HEATR4: variants seen among roughly 807,000 people sequenced by gnomAD.
HEATR4 encodes the protein HEAT repeat-containing protein 4.
A neutral mutation model predicts 108.8 loss-of-function variants in HEATR4; 95 were observed. That is an observed-to-expected ratio of 0.87 (90% CI 0.74 to 1.04). The LOEUF (loss-of-function observed/expected upper bound fraction) is 1.04. HEATR4 is among the 50% of genes least tolerant of loss of function. The probability of loss-of-function intolerance (pLI) is 0.00; values close to 1 mark genes in which losing one functional copy is unlikely to be tolerated. For missense variants in HEATR4, 1,152 were observed against 1,253.8 expected (o/e 0.92, Z 1.23); for synonymous variants, 443 against 459.4 (o/e 0.96, Z 0.46).
chr14:73,612,413 A>T, the HEATR4 span: 1 of 455,926 alleles, frequency 2.2e-6, no homozygotes, highest in South Asian at 8.7e-5. Context: ...CACAAATTCT[A>T]GGCGCCCCAC....
chr14:73,569,425 G>C, the HEATR4 span: 4 of 1,613,808 alleles, frequency 2.5e-6, no homozygotes, highest in Non-Finnish European at 3.4e-6. Context: ...GTTCCTGCTC[G>C]GATGGCGGCG....
At chr14:73,606,843 T>C in the HEATR4 span, among the ~76,000 whole-genome samples, 1 of 152,200 alleles carries the variant, frequency 6.6e-6, no homozygotes, top group Non-Finnish European at 1.5e-5. Flanking sequence ...CAGTCTTCAT[T>C]CACCTTCCCA....
In HEATR4 at chr14:73,490,954, A is replaced by G. The variant is rs943294583; in HGVS notation, c.2844+2112T>C. ...TCCCAGAGTGCACCGCAGCCGCTGCATTCAGGAACCGCTTTAGCTTCGCCC... is the reference window on the plus strand; with the variant it reads ...TCCCAGAGTGCACCGCAGCCGCTGCGTTCAGGAACCGCTTTAGCTTCGCCC... On this transcript the variant is annotated intron_variant, in intron 17 of 17. Coordinates refer to ENST00000553558, the MANE Select transcript of HEATR4 (RefSeq NM_001220484.1). 1.3e-5 allele frequency: 17 copies of G among 1,288,146 alleles called. No individual in the cohort carries two copies. The Admixed American group carries it at 3.2e-4, about 24-fold the overall frequency. 79.8% of individuals were successfully genotyped at this position (1,288,146 alleles called of 1,614,324 possible).
chr14:73,493,833 G>A (rs545153806), intron 16 of HEATR4, among the ~76,000 whole-genome samples: 27 of 152,290 alleles, frequency 1.8e-4, no homozygotes, highest in African/African-American at 5.1e-4. Context: ...GCGAGACTCC[G>A]TCTCAAAAAC....
chr14:73,588,882 ACTGAG>A, the HEATR4 span, among the ~76,000 whole-genome samples: 1 of 152,096 alleles, frequency 6.6e-6, no homozygotes, highest in South Asian at 2.1e-4. Context: ...TGCTCTATCA[ACTGAG>A]CTATCTGGGT....
chr14:73,620,064 A>G, the HEATR4 span, among the ~76,000 whole-genome samples: 2 of 151,918 alleles, frequency 1.3e-5, no homozygotes, highest in Admixed American at 6.6e-5. Context: ...GGTGCACACC[A>G]CGGCACCCAG....
intron 11 of HEATR4, among the ~76,000 whole-genome samples, chr14:73,502,562 T>G (rs1886539546): frequency 6.6e-6 from 1 of 152,026 alleles, no homozygotes; most frequent in African/African-American, 2.4e-5. Flanking sequence ...GCACTTTTTT[T>G]TTTTGAGACG....
At position 73,546,775 on chromosome 14, in the gene HEATR4, T is replaced by C. The variant is rs1480889123; in HGVS notation, c.-152+11976A>G. Among the ~76,000 whole-genome samples the C allele has an allele frequency of 3.6e-5, 4 of 111,860 alleles. 1 individual carries two copies. The highest frequency in any genetic ancestry group is 1.1e-4 in the African/African-American group (4 of 35,742). 73.4% of individuals were successfully genotyped at this position (111,860 alleles called of 152,430 possible). ...AAGTTCATTAAACTAACATGCTCCA[T>C]AATGATTCACTTATTTATTTGAAAA... On this transcript the variant is annotated intron_variant, in intron 1 of 17. Transcript: ENST00000553558.
chr14:73,589,148 G>C, the HEATR4 span, among the ~76,000 whole-genome samples: 410 of 151,912 alleles, frequency 2.7e-3, 2 homozygotes, highest in African/African-American at 9.5e-3. Context: ...CTACAGTTTT[G>C]GACAAATGTA....
the HEATR4 span, among the ~76,000 whole-genome samples, chr14:73,572,884 G>A: frequency 1.1e-3 from 165 of 150,736 alleles, no homozygotes; most frequent in South Asian, 4.8e-3. Context: ...GACCTCAGGT[G>A]ATCCACCCGT....
the HEATR4 span, among the ~76,000 whole-genome samples, chr14:73,590,872 A>C: frequency 2.0e-5 from 3 of 151,924 alleles, no homozygotes; most frequent in Admixed American, 6.5e-5. Context: ...CAGCCCAGAA[A>C]GGGGCTCCCA....
rs148046510 is a variant in HEATR4, at chr14:73,550,935, C to T, written c.-152+7816G>A. ...AGCACTTTGGGAGACAGAGGCGGGC[C>T]GATACGAGGTCAGGAGTTCGAGACC... On this transcript the variant is annotated intron_variant, in intron 1 of 17. Coordinates refer to ENST00000553558, the MANE Select transcript of HEATR4 (RefSeq NM_001220484.1). 3.5e-5 allele frequency among the ~76,000 whole-genome samples: 4 copies of T among 113,550 alleles called. 1 individual carries two copies. In the South Asian group the frequency reaches 8.5e-4, roughly 24 times the overall value. 74.5% of individuals were successfully genotyped at this position (113,550 alleles called of 152,430 possible).
At chr14:73,569,612 G>A in the HEATR4 span, 1 of 1,600,854 alleles carries the variant, frequency 6.2e-7, no homozygotes, top group Non-Finnish European at 8.5e-7. Context: ...AGCTGGACCT[G>A]GAGCGCGCGC....
At chr14:73,592,098 C>T in the HEATR4 span, 1 of 1,500,414 alleles carries the variant, frequency 6.7e-7, no homozygotes, top group Non-Finnish European at 8.9e-7. Flanking sequence ...CGCGCTCTTC[C>T]GGGCCCACGC....
intron 17 of HEATR4, chr14:73,491,347 C>T: frequency 1.4e-6 from 2 of 1,439,196 alleles, no homozygotes; most frequent in African/African-American, 1.5e-5. Flanking sequence ...AGGCCTCGCC[C>T]GCCGCGCGCT....
chr14:73,626,137 T>C, the HEATR4 span, among the ~76,000 whole-genome samples: 1 of 152,226 alleles, frequency 6.6e-6, no homozygotes, highest in African/African-American at 2.4e-5. Flanking sequence ...AAGATCAAAC[T>C]AGCCACAACA....
intron 1 of HEATR4, among the ~76,000 whole-genome samples, chr14:73,536,049 G>A (rs1888854410): frequency 8.6e-6 from 1 of 115,900 alleles, no homozygotes; most frequent in African/African-American, 2.8e-5. Flanking sequence ...TATACTTGAT[G>A]TGTGCCACAG....
chr14:73,524,308 AAAATATATATAT>A (rs1888179851), intron 2 of HEATR4, among the ~76,000 whole-genome samples: 1 of 83,586 alleles, frequency 1.2e-5, no homozygotes, highest in African/African-American at 6.2e-5. Flanking sequence ...AAAAAAAAAA[AAAATATATATAT>A]ATATATATAT....
At chr14:73,517,827 G>A (rs778505272) in intron 5 of HEATR4, among the ~76,000 whole-genome samples, 29 of 152,064 alleles carry the variant, frequency 1.9e-4, no homozygotes, top group Middle Eastern at 3.4e-3. Flanking sequence ...GGTGGCTCAC[G>A]CCTGTAATCC....
Sources: allele counts gnomAD v4.1 joint callset (sites outside exome capture counted in the v4.1 genomes callset), GRCh38; gene constraint gnomAD v4.1.1; transcripts MANE v1.5; gene names NCBI Gene and HGNC (gene_info 2026-07-23, HGNC 2026-07-21).